The following TAFA4 variants were observed in gnomAD, a reference collection of about 807,000 sequenced individuals.
TAFA4 encodes the protein chemokine-like protein TAFA-4.
TAFA4 carries 20 observed loss-of-function variants against 21.1 expected under a neutral mutation model. That is an observed-to-expected ratio of 0.95 (90% CI 0.67 to 1.38). TAFA4 has a LOEUF of 1.38. Among genes scored for constraint, TAFA4 ranks in the 40% most tolerant of loss-of-function variants. The pLI is 0.00. For synonymous variants in TAFA4, 71 were observed against 67.4 expected (o/e 1.05, Z -0.26); for missense variants, 211 against 180.9 (o/e 1.17, Z -0.95).
chr3:68,894,949 G>C (rs2089772695), intron 1 of TAFA4, among the ~76,000 whole-genome samples: 1 of 152,134 alleles, frequency 6.6e-6, no homozygotes. Flanking sequence ...CCACCTCCCA[G>C]GTTCAAGCAA....
intron 1 of TAFA4, among the ~76,000 whole-genome samples, chr3:68,893,052 A>C (rs1162496863): frequency 6.6e-6 from 1 of 152,216 alleles, no homozygotes; most frequent in Non-Finnish European, 1.5e-5. Context: ...TCAAGGCCCA[A>C]TTATCCTTAC....
intron 1 of TAFA4, among the ~76,000 whole-genome samples, chr3:68,919,891 A>G (rs1291523148): frequency 3.9e-5 from 6 of 152,218 alleles, no homozygotes; most frequent in Admixed American, 3.3e-4. Flanking sequence ...CCACTAGTGC[A>G]TTGGTGTTTT....
In TAFA4 at chr3:68,918,273, G is replaced by T. The variant is rs550446046; in HGVS notation, c.-123+13967C>A. 5.9e-5 allele frequency among the ~76,000 whole-genome samples: 9 copies of T among 152,202 alleles called. No individual in the cohort carries two copies. The South Asian group carries it at 1.9e-3, about 32-fold the overall frequency. ...GTCAGTGTGGTTACCTCAGAGGAAGGGGGAGAGGTCGCAAATGACACTGGA... is the reference window on the plus strand; with the variant it reads ...GTCAGTGTGGTTACCTCAGAGGAAGTGGGAGAGGTCGCAAATGACACTGGA... On this transcript the variant is annotated intron_variant, in intron 1 of 5. Transcript: ENST00000295569.
At chr3:68,891,208 C>T (rs372612699) in intron 1 of TAFA4, among the ~76,000 whole-genome samples, 31 of 152,270 alleles carry the variant, frequency 2.0e-4, no homozygotes, top group African/African-American at 7.5e-4. Context: ...GAATTCAGCA[C>T]CAAAACATTA....
At chr3:68,791,915 C>A (rs1220763051) in intron 3 of TAFA4, among the ~76,000 whole-genome samples, 1 of 152,154 alleles carries the variant, frequency 6.6e-6, no homozygotes, top group East Asian at 1.9e-4. Context: ...CCAAACCTGG[C>A]CCACAGGCCA....
intron 1 of TAFA4, among the ~76,000 whole-genome samples, chr3:68,891,650 T>C (rs911138476): frequency 6.6e-6 from 1 of 151,988 alleles, no homozygotes; most frequent in African/African-American, 2.4e-5. Flanking sequence ...AGACAGAAGA[T>C]GATGGAAGTG....
chr3:68,751,623 C>G (rs1454820148), intron 4 of TAFA4, among the ~76,000 whole-genome samples: 2 of 151,868 alleles, frequency 1.3e-5, no homozygotes, highest in Admixed American at 6.6e-5. Context: ...ATCAATAATC[C>G]CCAAATCCAA....
chr3:68,924,206 C>T (rs747823030), intron 1 of TAFA4, among the ~76,000 whole-genome samples: 13 of 152,042 alleles, frequency 8.6e-5, no homozygotes, highest in Non-Finnish European at 1.3e-4. Context: ...AGCAGCATGA[C>T]GTGCAATAGC....
intron 3 of TAFA4, among the ~76,000 whole-genome samples, chr3:68,796,099 G>A (rs1487492500): frequency 6.6e-6 from 1 of 152,052 alleles, no homozygotes; most frequent in East Asian, 1.9e-4. Flanking sequence ...GCTAGGGGTG[G>A]GGTGACACAA....
rs979815283 is a variant in TAFA4, at chr3:68,763,407, T to A, written c.131-10389A>T. On this transcript the variant is annotated intron_variant, in intron 3 of 5. Coordinates refer to ENST00000295569, the MANE Select transcript of TAFA4 (RefSeq NM_182522.5). Reference sequence around the variant, plus strand: ...GAGCCTTCTTCCTACACCAAAAAGATATAATGTATTTCCTAACTTTAATAT... The same window carrying A: ...GAGCCTTCTTCCTACACCAAAAAGAAATAATGTATTTCCTAACTTTAATAT... Among the ~76,000 whole-genome samples, 8 of 152,196 alleles carry A rather than the reference T, an allele frequency of 5.3e-5. No homozygotes were observed. In the South Asian group the frequency reaches 1.0e-3, roughly 20 times the overall value.
chr3:68,763,291 T>C (rs546326382), intron 3 of TAFA4, among the ~76,000 whole-genome samples: 1 of 152,282 alleles, frequency 6.6e-6, no homozygotes, highest in East Asian at 1.9e-4. Context: ...GGATGATATA[T>C]TAGACTATAT....
intron 3 of TAFA4, among the ~76,000 whole-genome samples, chr3:68,879,780 TG>T (rs1458563638): frequency 1.3e-4 from 20 of 152,282 alleles, no homozygotes; most frequent in Non-Finnish European, 2.2e-4. Context: ...GTTATATATT[TG>T]GTGGTAAGAA....
At chr3:68,816,505 C>T (rs191413567) in intron 3 of TAFA4, among the ~76,000 whole-genome samples, 211 of 152,000 alleles carry the variant, frequency 1.4e-3, no homozygotes, top group African/African-American at 4.5e-3. Context: ...ATTTCTTTTC[C>T]GATGTGTTGC....
chr3:68,854,760 C>T (rs1454586153), intron 3 of TAFA4, among the ~76,000 whole-genome samples: 2 of 151,840 alleles, frequency 1.3e-5, no homozygotes, highest in African/African-American at 4.8e-5. Context: ...CTTTACCTAA[C>T]CAATTTGCAA....
At chr3:68,923,837 G>A (rs1001782005) in intron 1 of TAFA4, among the ~76,000 whole-genome samples, 2 of 152,230 alleles carry the variant, frequency 1.3e-5, no homozygotes, top group South Asian at 4.1e-4. Flanking sequence ...TTCAAAGAAT[G>A]AATAATCTAC....
At chr3:68,764,112 T>C (rs1417039617) in intron 3 of TAFA4, among the ~76,000 whole-genome samples, 3 of 152,144 alleles carry the variant, frequency 2.0e-5, no homozygotes, top group African/African-American at 4.8e-5. Flanking sequence ...AGTAGGATTG[T>C]ATTTGGAGAT....
intron 3 of TAFA4, among the ~76,000 whole-genome samples, chr3:68,808,952 C>A (rs893431205): frequency 3.3e-5 from 5 of 152,130 alleles, no homozygotes; most frequent in Non-Finnish European, 7.3e-5. Context: ...AACATAGAAA[C>A]CCCCACTAAC....
chr3:68,755,613 A>C (rs1164639507), intron 3 of TAFA4, among the ~76,000 whole-genome samples: 2 of 152,176 alleles, frequency 1.3e-5, no homozygotes, highest in Non-Finnish European at 2.9e-5. Context: ...GACCAAAAGC[A>C]TGCAGCAGAT....
chr3:68,901,975 G>A (rs535347129), intron 1 of TAFA4, among the ~76,000 whole-genome samples: 17 of 152,242 alleles, frequency 1.1e-4, no homozygotes, highest in African/African-American at 4.1e-4. Flanking sequence ...TATAGTGAAG[G>A]GCTCTGTAAA....
Sources: gnomAD v4.1 joint callset for allele counts (sites outside exome capture counted in the v4.1 genomes callset) on GRCh38, gnomAD v4.1.1 for gene constraint, MANE v1.5 for transcripts, NCBI Gene and HGNC (gene_info 2026-07-23, HGNC 2026-07-21) for gene names.